The following RSF1 variants were observed in gnomAD, a reference collection of about 807,000 sequenced individuals.
RSF1 encodes the protein HBV pX-associated protein 8.
A neutral mutation model predicts 145.2 loss-of-function variants in RSF1; 13 were observed. The ratio of observed to expected loss-of-function variants is 0.09; its 90% confidence interval spans 0.06 to 0.14. The LOEUF (loss-of-function observed/expected upper bound fraction) is 0.14, where lower values mean the gene tolerates loss of function less well. Among genes scored for constraint, RSF1 ranks in the 10% least tolerant of loss-of-function variants. The pLI is 1.00. For synonymous variants in RSF1, 577 were observed against 592.6 expected, an observed-to-expected ratio of 0.97 and a Z score of 0.38; for missense variants, 1,517 against 1,718.2, an observed-to-expected ratio of 0.88 and a Z score of 2.07.
At chr11:77,788,184 G>GT (rs1554998488) in intron 1 of RSF1, among the ~76,000 whole-genome samples, 2 of 69,136 alleles carry the variant, frequency 2.9e-5, no homozygotes, top group South Asian at 5.4e-4. Flanking sequence ...AAAATTAGGG[G>GT]TAAAAAAAAA....
chr11:77,756,250 AGG>A (rs1948114702), intron 2 of RSF1, among the ~76,000 whole-genome samples: 3 of 150,900 alleles, frequency 2.0e-5, no homozygotes. Context: ...CCCAGCTACT[AGG>A]GAGGCTGAGG....
chr11:77,737,198 A>G (rs1318437258), intron 4 of RSF1, among the ~76,000 whole-genome samples: 1 of 152,230 alleles, frequency 6.6e-6, no homozygotes, highest in South Asian at 2.1e-4. Flanking sequence ...CTGTAATCCC[A>G]GCACTTTGGG....
chr11:77,847,878 C>A, the RSF1 span, among the ~76,000 whole-genome samples: 1 of 152,022 alleles, frequency 6.6e-6, no homozygotes, highest in Non-Finnish European at 1.5e-5. Context: ...TCCTAAAAAC[C>A]CCGGGAGCTG....
intron 5 of RSF1, among the ~76,000 whole-genome samples, chr11:77,723,130 A>T (rs757488996): frequency 6.6e-6 from 1 of 152,208 alleles, no homozygotes; most frequent in Non-Finnish European, 1.5e-5. Flanking sequence ...CTAAAAAAGA[A>T]TAGAAATTCA....
At chr11:77,859,749 G>A in the RSF1 span, among the ~76,000 whole-genome samples, 1 of 152,218 alleles carries the variant, frequency 6.6e-6, no homozygotes, top group African/African-American at 2.4e-5. Flanking sequence ...GCATAGGTTT[G>A]AGCAATTACT....
chr11:77,716,663 A>T (rs1188773098), intron 5 of RSF1, among the ~76,000 whole-genome samples: 2 of 152,086 alleles, frequency 1.3e-5, no homozygotes, highest in Non-Finnish European at 2.9e-5. Flanking sequence ...TACGAAGAGT[A>T]AGTTCAAGAG....
intron 9 of RSF1, among the ~76,000 whole-genome samples, chr11:77,690,161 C>CAAAA (rs112481534): frequency 6.8e-5 from 6 of 88,578 alleles, no homozygotes; most frequent in Admixed American, 1.1e-4. Flanking sequence ...GACTCCATCT[C>CAAAA]AAAAAAAAAA....
intron 1 of RSF1, among the ~76,000 whole-genome samples, chr11:77,785,069 C>T (rs1407078457): frequency 6.6e-6 from 1 of 152,114 alleles, no homozygotes; most frequent in Non-Finnish European, 1.5e-5. Flanking sequence ...TTCTCTCTCT[C>T]TGTTTCTGCG....
chr11:77,723,805 C>A, intron 5 of RSF1, among the ~76,000 whole-genome samples: 1 of 152,236 alleles, frequency 6.6e-6, no homozygotes, highest in East Asian at 1.9e-4. Flanking sequence ...AAACTAAAAG[C>A]AAAGAAAACA....
At chr11:77,772,927 T>C in intron 1 of RSF1, among the ~76,000 whole-genome samples, 1 of 151,658 alleles carries the variant, frequency 6.6e-6, no homozygotes, top group Admixed American at 6.6e-5. Context: ...TTCCGATGTT[T>C]CTCAAAGTAT....
rs542395805 is a variant in RSF1, at chr11:77,701,613, G to C, written c.1616C>G (p.Thr539Ser). 1.2e-5 allele frequency: 19 copies of C among 1,614,096 alleles called. No individual in the cohort carries two copies. The South Asian group carries it at 2.1e-4, about 18-fold the overall frequency. Residue 539 changes from threonine (T) to serine (S), a missense_variant, in exon 6 of 16, where the codon ACT becomes AGT. Thr to Ser is a moderately conservative substitution (Grantham distance 58, BLOSUM62 1). Coordinates refer to ENST00000308488, the MANE Select transcript of RSF1 (RefSeq NM_016578.4). ...IEEPDPPEMETSLDSSEMAKD... is the reference protein window; with the variant it reads ...IEEPDPPEMESSLDSSEMAKD... The stretch of plus-strand genomic sequence containing the variant: ...TGCCATCTCAGAAGAATCAAGAGAA[G>C]TTTCCATTTCTGGAGGATCGGGTTC...
At chr11:77,840,190 G>A in the RSF1 span, among the ~76,000 whole-genome samples, 1 of 152,042 alleles carries the variant, frequency 6.6e-6, no homozygotes, top group Non-Finnish European at 1.5e-5. Context: ...AGGTATCTGG[G>A]GTTCATGGGA....
At chr11:77,867,927 T>C in the RSF1 span, among the ~76,000 whole-genome samples, 1 of 152,186 alleles carries the variant, frequency 6.6e-6, no homozygotes, top group East Asian at 1.9e-4. Flanking sequence ...ATAGAGATTG[T>C]TATGAAATTT....
At chr11:77,760,131 G>A (rs1427091189) in intron 2 of RSF1, among the ~76,000 whole-genome samples, 1 of 152,132 alleles carries the variant, frequency 6.6e-6, no homozygotes, top group Non-Finnish European at 1.5e-5. Context: ...GTACACAAAT[G>A]TCCATAGCAG....
chr11:77,726,107 C>T (rs1420811009), intron 4 of RSF1, among the ~76,000 whole-genome samples: 1 of 152,130 alleles, frequency 6.6e-6, no homozygotes, highest in Non-Finnish European at 1.5e-5. Context: ...TAATTCTTTT[C>T]TACCTTCAGA....
At chr11:77,841,304 A>G in the RSF1 span, 4 of 691,142 alleles carry the variant, frequency 5.8e-6, no homozygotes, top group Non-Finnish European at 1.1e-5. Flanking sequence ...AAACCATAGC[A>G]CTAAACTAAA....
chr11:77,671,448 G>A (rs1408161304), intron 15 of RSF1, among the ~76,000 whole-genome samples: 1 of 151,380 alleles, frequency 6.6e-6, no homozygotes, highest in Non-Finnish European at 1.5e-5. Context: ...CATGAATAAG[G>A]GAGTAAGAAA....
intron 11 of RSF1, among the ~76,000 whole-genome samples, chr11:77,681,950 A>T (rs969961543): frequency 3.5e-4 from 53 of 152,270 alleles, no homozygotes; most frequent in African/African-American, 1.1e-3. Context: ...TTTTTAATGC[A>T]TCGCTAATGA....
intron 4 of RSF1, 117 bp downstream of exon 4, chr11:77,740,614 C>T: frequency 1.2e-6 from 1 of 852,480 alleles, no homozygotes; most frequent in Non-Finnish European, 1.9e-6. Flanking sequence ...GCCTTGACAA[C>T]TCCCAAAACT....
Sources: allele counts gnomAD v4.1 joint callset (sites outside exome capture counted in the v4.1 genomes callset), GRCh38; gene constraint gnomAD v4.1.1; transcripts MANE v1.5; gene names NCBI Gene and HGNC (gene_info 2026-07-23, HGNC 2026-07-21).